NMNAT2: variants seen among roughly 807,000 people sequenced by gnomAD.
NMNAT2 encodes nicotinamide nucleotide adenylyltransferase 2, also known as nicotinamide/nicotinic acid mononucleotide adenylyltransferase 2.
In NMNAT2, 11 loss-of-function variants were observed where a neutral mutation model predicts 41.6. The observed-to-expected ratio is 0.26, with a 90% CI of 0.17 to 0.44. NMNAT2 has a LOEUF of 0.44. Among genes scored for constraint, NMNAT2 ranks in the 20% least tolerant of loss-of-function variants. The pLI, the probability that NMNAT2 is intolerant of heterozygous loss-of-function variation, is 1.00. For synonymous variants in NMNAT2, 148 were observed against 151.2 expected (o/e 0.98, Z 0.16); for missense variants, 288 against 407.7 (o/e 0.71, Z 2.53).
intron 1 of NMNAT2, among the ~76,000 whole-genome samples, chr1:183,326,232 T>C (rs1662459892): frequency 6.6e-6 from 1 of 151,764 alleles, no homozygotes; most frequent in Non-Finnish European, 1.5e-5. Context: ...AAAAATTAGC[T>C]GGGTATGGTG....
intron 1 of NMNAT2, among the ~76,000 whole-genome samples, chr1:183,385,897 G>A (rs551381861): frequency 2.6e-5 from 4 of 152,232 alleles, no homozygotes; most frequent in South Asian, 4.1e-4. Context: ...AGGATGCCAC[G>A]TGTCTATTTA....
chr1:183,383,442 C>T (rs1017813522), intron 1 of NMNAT2, among the ~76,000 whole-genome samples: 1 of 152,234 alleles, frequency 6.6e-6, no homozygotes, highest in African/African-American at 2.4e-5. Flanking sequence ...ATTCCTCCCC[C>T]CAAAATGGGT....
intron 8 of NMNAT2, among the ~76,000 whole-genome samples, chr1:183,272,465 C>A (rs1661009193): frequency 6.6e-6 from 1 of 152,140 alleles, no homozygotes; most frequent in African/African-American, 2.4e-5. Context: ...ATTTTTTCTC[C>A]ATGGAATGTA....
rs190892511 is a variant in NMNAT2 at position 183,361,568 on chromosome 1, A to G, written c.85+56615T>C. Among the ~76,000 whole-genome samples the G allele has an allele frequency of 4.0e-4, 60 of 149,706 alleles. 2 individuals carry two copies. The East Asian group carries it at 0.011, about 28-fold the overall frequency. On this transcript the variant is annotated intron_variant, in intron 1 of 10. Transcript: ENST00000287713. ...CTCAATAAATATTTTTAAATAAATG[A>G]ACAAGTGAAAGTGGCAATGGCAAAT...
chr1:183,334,878 C>T (rs1206639516), intron 1 of NMNAT2, among the ~76,000 whole-genome samples: 1 of 152,108 alleles, frequency 6.6e-6, no homozygotes, highest in Non-Finnish European at 1.5e-5. Context: ...TTGGGAGACT[C>T]CACGGTGCCC....
At chr1:183,377,209 G>A (rs781598210) in intron 1 of NMNAT2, among the ~76,000 whole-genome samples, 2 of 152,082 alleles carry the variant, frequency 1.3e-5, no homozygotes, top group Non-Finnish European at 2.9e-5. Flanking sequence ...TATATCTGGA[G>A]AAGGGGTAAG....
intron 1 of NMNAT2, among the ~76,000 whole-genome samples, chr1:183,382,001 A>G (rs1663811630): frequency 6.6e-6 from 1 of 152,270 alleles, no homozygotes; most frequent in African/African-American, 2.4e-5. Context: ...TACTCTGTGC[A>G]TTAGTCCATT....
At chr1:183,303,354 A>C (rs577293365) in intron 1 of NMNAT2, among the ~76,000 whole-genome samples, 1 of 152,332 alleles carries the variant, frequency 6.6e-6, no homozygotes, top group East Asian at 1.9e-4. Flanking sequence ...TGTTAGGCGC[A>C]GTGTTAGGCA....
At chr1:183,339,446 G>C (rs2102344048) in intron 1 of NMNAT2, among the ~76,000 whole-genome samples, 1 of 152,206 alleles carries the variant, frequency 6.6e-6, no homozygotes, top group South Asian at 2.1e-4. Flanking sequence ...GTCAGTGCCT[G>C]GATACCACTG....
At chr1:183,417,605 G>T (rs1649291956) in intron 1 of NMNAT2, among the ~76,000 whole-genome samples, 1 of 152,088 alleles carries the variant, frequency 6.6e-6, no homozygotes, top group African/African-American at 2.4e-5. Flanking sequence ...GGCAATACAC[G>T]GCCCACAATT....
chr1:183,356,027 T>G (rs1011043740), intron 1 of NMNAT2, among the ~76,000 whole-genome samples: 2 of 152,204 alleles, frequency 1.3e-5, no homozygotes, highest in Admixed American at 6.5e-5. Context: ...AGGTGGGGCA[T>G]CTGTCACTCA....
intron 8 of NMNAT2, among the ~76,000 whole-genome samples, chr1:183,266,038 A>G (rs1311236246): frequency 6.6e-6 from 1 of 152,238 alleles, no homozygotes; most frequent in Non-Finnish European, 1.5e-5. Context: ...CGACAAATGC[A>G]GCTCTAGAAG....
Position 183,248,696 on chromosome 1 carries a change from C to A in NMNAT2, c.*3945G>T, listed in dbSNP as rs201208219. The stretch of plus-strand genomic sequence containing the variant: ...TCATCACCATTACTACAATGCTATT[C>A]CTAAGGTGTCCTAATTGTATGAGCT... On this transcript the variant is annotated 3_prime_UTR_variant, in exon 11 of 11. Transcript: ENST00000287713. 13 of 152,324 alleles carry A rather than the reference C, an allele frequency of 8.5e-5. No individual in the cohort carries two copies. The highest frequency in any genetic ancestry group is 1.5e-4 in the Non-Finnish European group (10 of 68,044). The allele number at this position is 152,324 out of a possible 1,614,324, so 9.4% of individuals were successfully genotyped here.
intron 10 of NMNAT2, among the ~76,000 whole-genome samples, chr1:183,255,662 G>GTTT (rs56106186): frequency 9.9e-6 from 1 of 100,942 alleles, no homozygotes; most frequent in African/African-American, 3.8e-5. Flanking sequence ...ATTCCTAAGG[G>GTTT]TTTTTTTTTT....
chr1:183,380,828 G>T (rs542821728), intron 1 of NMNAT2, among the ~76,000 whole-genome samples: 4 of 152,174 alleles, frequency 2.6e-5, no homozygotes, highest in African/African-American at 9.7e-5. Flanking sequence ...GGAGAAATGA[G>T]CTGCTTGTCA....
At chr1:183,348,194 C>G (rs1386193425) in intron 1 of NMNAT2, among the ~76,000 whole-genome samples, 3 of 152,168 alleles carry the variant, frequency 2.0e-5, no homozygotes, top group Non-Finnish European at 2.9e-5. Flanking sequence ...AACAGTCAAC[C>G]CAGCAAAGGC....
chr1:183,317,372 C>T (rs926760816), intron 1 of NMNAT2, among the ~76,000 whole-genome samples: 14 of 152,190 alleles, frequency 9.2e-5, no homozygotes, highest in Non-Finnish European at 1.6e-4. Context: ...TGGGCTCAAG[C>T]GATCCTCTTG....
intron 1 of NMNAT2, among the ~76,000 whole-genome samples, chr1:183,414,771 T>C (rs1204829830): frequency 6.6e-6 from 1 of 152,224 alleles, no homozygotes; most frequent in African/African-American, 2.4e-5. Context: ...TTACAAATAT[T>C]GAGAATTGTA....
intron 1 of NMNAT2, among the ~76,000 whole-genome samples, chr1:183,395,625 G>A (rs946557946): frequency 6.6e-5 from 10 of 152,118 alleles, no homozygotes; most frequent in African/African-American, 2.2e-4. Flanking sequence ...GATTTTGCAG[G>A]GGGTGAAATG....
Sources: gnomAD v4.1 joint callset for allele counts (sites outside exome capture counted in the v4.1 genomes callset) on GRCh38, gnomAD v4.1.1 for gene constraint, MANE v1.5 for transcripts, NCBI Gene and HGNC (gene_info 2026-07-23, HGNC 2026-07-21) for gene names.